SLC4A10: variants seen among roughly 807,000 people sequenced by gnomAD.
SLC4A10 encodes the protein solute carrier family 4 member 10, also known as sodium-driven chloride bicarbonate exchanger.
In SLC4A10, 42 loss-of-function variants were observed where a neutral mutation model predicts 137.7. That is an observed-to-expected ratio of 0.30 (90% confidence interval 0.24 to 0.39). SLC4A10 has a LOEUF of 0.39. Ranked by LOEUF, SLC4A10 falls within the 10% of genes least tolerant of loss-of-function variation. The pLI is 1.00. For synonymous variants in SLC4A10, 474 were observed against 464.1 expected, an observed-to-expected ratio of 1.02 and a Z score of -0.27; for missense variants, 925 against 1,355.0, an observed-to-expected ratio of 0.68 and a Z score of 4.98.
intron 15 of SLC4A10, among the ~76,000 whole-genome samples, chr2:161,940,504 G>C (rs976044266): frequency 6.6e-6 from 1 of 152,144 alleles, no homozygotes; most frequent in Non-Finnish European, 1.5e-5. Context: ...TACAGCAGAG[G>C]AGTCACTTAC....
At chr2:161,834,780 A>C (rs2058659569) in intron 3 of SLC4A10, among the ~76,000 whole-genome samples, 1 of 151,918 alleles carries the variant, frequency 6.6e-6, no homozygotes, top group African/African-American at 2.4e-5. Flanking sequence ...GGGTGGATGA[A>C]TGCCATGTAG....
At chr2:161,828,138 A>G (rs1252011144) in intron 3 of SLC4A10, among the ~76,000 whole-genome samples, 1 of 152,110 alleles carries the variant, frequency 6.6e-6, no homozygotes, top group East Asian at 1.9e-4. Context: ...GAGATATTCT[A>G]TTTCACTCCA....
At chr2:161,919,492 A>G (rs1238631223) in intron 15 of SLC4A10, among the ~76,000 whole-genome samples, 2 of 152,090 alleles carry the variant, frequency 1.3e-5, no homozygotes, top group Non-Finnish European at 2.9e-5. Context: ...CCCCAGACTC[A>G]GCCAGAATCA....
intron 2 of SLC4A10, among the ~76,000 whole-genome samples, chr2:161,780,716 GA>G (rs1265900110): frequency 2.0e-5 from 3 of 151,726 alleles, no homozygotes; most frequent in African/African-American, 2.4e-5. Context: ...CACTCTCAGG[GA>G]AAAATTACTT....
chr2:161,854,140 C>T (rs1384748718), intron 4 of SLC4A10, among the ~76,000 whole-genome samples: 2 of 151,886 alleles, frequency 1.3e-5, no homozygotes, highest in Admixed American at 6.6e-5. Context: ...AAGATTTAGG[C>T]TAAGGTTCAT....
chr2:161,811,671 T>C (rs2056564282), intron 3 of SLC4A10, among the ~76,000 whole-genome samples: 2 of 152,102 alleles, frequency 1.3e-5, no homozygotes, highest in African/African-American at 4.8e-5. Flanking sequence ...AATCTTGCTT[T>C]GTACTTCAGA....
In SLC4A10 at chr2:161,983,257, A is replaced by G; in HGVS notation, c.*105A>G. On this transcript the variant is annotated 3_prime_UTR_variant, in exon 27 of 27. Coordinates refer to ENST00000446997, the MANE Select transcript of SLC4A10 (RefSeq NM_001178015.2). ...AGACTTGTCTATGACTCGATCTTCA[A>G]TTTATTTTTTACATATATATGAGAA... is the stretch of plus-strand genomic sequence containing the variant. The G allele has an allele frequency of 6.5e-7, 1 of 1,534,316 alleles. No homozygotes were observed. Among genetic ancestry groups the G allele is most frequent in the Non-Finnish European group, 8.7e-7 (1 of 1,145,292 alleles).
rs551776271 is a variant in SLC4A10 at position 161,732,199 on chromosome 2, A to G, written c.49-38774A>G. ...TTGAGTAAATCATTGGCAATTGGTG[A>G]TCAACTTAACCTTTGGCATCTGTTT... On this transcript the variant is annotated intron_variant, in intron 1 of 26. Coordinates refer to ENST00000446997, the MANE Select transcript of SLC4A10 (RefSeq NM_001178015.2). Among the ~76,000 whole-genome samples the G allele has an allele frequency of 2.0e-5, 3 of 152,152 alleles. No individual in the cohort carries two copies. The South Asian group carries it at 6.2e-4, about 32-fold the overall frequency.
intron 15 of SLC4A10, among the ~76,000 whole-genome samples, chr2:161,924,124 C>T (rs967374129): frequency 6.6e-6 from 1 of 152,160 alleles, no homozygotes; most frequent in Admixed American, 6.6e-5. Flanking sequence ...TATTCTATCT[C>T]CTCACAGTGC....
At chr2:161,965,298 A>G in intron 23 of SLC4A10, 125 bp downstream of exon 23, 1 of 869,666 alleles carries the variant, frequency 1.1e-6, no homozygotes, top group South Asian at 2.0e-5. Context: ...ACTAACAACC[A>G]CAAGTAGACT....
intron 1 of SLC4A10, among the ~76,000 whole-genome samples, chr2:161,746,392 T>G (rs553080946): frequency 6.6e-6 from 1 of 152,044 alleles, no homozygotes. Flanking sequence ...TGATGACTAC[T>G]GCACGACTAC....
At chr2:161,885,277 T>C (rs2062167238) in intron 10 of SLC4A10, among the ~76,000 whole-genome samples, 1 of 135,324 alleles carries the variant, frequency 7.4e-6, no homozygotes. Flanking sequence ...ATTCATAGTT[T>C]ACTTTGGTTA....
chr2:161,781,032 C>A (rs73017149), intron 2 of SLC4A10, among the ~76,000 whole-genome samples: 2,981 of 152,154 alleles, frequency 0.02, 101 homozygotes, highest in African/African-American at 0.067. Flanking sequence ...CAGCCCCACT[C>A]TCCACCAGTG....
chr2:161,722,115 G>A (rs973252261), intron 1 of SLC4A10, among the ~76,000 whole-genome samples: 1 of 152,144 alleles, frequency 6.6e-6, no homozygotes, highest in African/African-American at 2.4e-5. Context: ...TCTTTGCATT[G>A]GGTTAGAACG....
intron 23 of SLC4A10, among the ~76,000 whole-genome samples, chr2:161,972,344 G>A (rs990425970): frequency 5.3e-5 from 8 of 152,138 alleles, no homozygotes; most frequent in South Asian, 2.1e-4. Flanking sequence ...GCCCCTGACC[G>A]CCAGGATGTG....
intron 1 of SLC4A10, among the ~76,000 whole-genome samples, chr2:161,671,952 G>A (rs984994862): frequency 6.6e-6 from 1 of 152,104 alleles, no homozygotes; most frequent in Non-Finnish European, 1.5e-5. Flanking sequence ...GGAAAGAACT[G>A]TTTTATTTTG....
chr2:161,746,855 C>T (rs574477911), intron 1 of SLC4A10, among the ~76,000 whole-genome samples: 10 of 152,132 alleles, frequency 6.6e-5, no homozygotes, highest in South Asian at 6.2e-4. Context: ...CTTCTGGGTC[C>T]GAGTCACTCT....
At chr2:161,628,364 A>G (rs965945001) in intron 1 of SLC4A10, among the ~76,000 whole-genome samples, 1 of 152,058 alleles carries the variant, frequency 6.6e-6, no homozygotes, top group Non-Finnish European at 1.5e-5. Context: ...GTATAAAACT[A>G]CAGTAAAGTT....
At chr2:161,869,671 A>G (rs1459836246) in intron 6 of SLC4A10, among the ~76,000 whole-genome samples, 1 of 151,658 alleles carries the variant, frequency 6.6e-6, no homozygotes, top group African/African-American at 2.4e-5. Context: ...TACACATTTA[A>G]TGTACATTGT....
Sources: gnomAD v4.1 joint callset for allele counts (sites outside exome capture counted in the v4.1 genomes callset) on GRCh38, gnomAD v4.1.1 for gene constraint, MANE v1.5 for transcripts, NCBI Gene and HGNC (gene_info 2026-07-23, HGNC 2026-07-21) for gene names.